Variants in LPP observed in about 807,000 individuals in gnomAD.
LPP encodes LIM domain containing preferred translocation partner in lipoma, also known as lipoma-preferred partner.
In LPP, 38 loss-of-function variants were observed where a neutral mutation model predicts 60.4. The observed-to-expected ratio is 0.63, with a 90% CI of 0.49 to 0.83. The LOEUF is 0.83. LPP is among the 40% of genes least tolerant of loss of function. The probability of loss-of-function intolerance (pLI) is 0.00; values close to 1 mark genes in which losing one functional copy is unlikely to be tolerated. For missense variants in LPP, 902 were observed against 783.6 expected (o/e 1.15, Z -1.80); for synonymous variants, 328 against 290.8 (o/e 1.13, Z -1.30).
intron 2 of LPP, among the ~76,000 whole-genome samples, chr3:188,322,014 T>C (rs1404681157): frequency 3.3e-5 from 5 of 152,210 alleles, no homozygotes; most frequent in Admixed American, 6.5e-5. Flanking sequence ...AAGGAATCTT[T>C]TCAAGATGCT....
intron 6 of LPP, among the ~76,000 whole-genome samples, chr3:188,565,808 G>A (rs967075328): frequency 2.6e-5 from 4 of 152,038 alleles, no homozygotes; most frequent in African/African-American, 9.6e-5. Context: ...AAGCTTCAAG[G>A]TTATTTTTAT....
At chr3:188,322,566 AG>A (rs768579729) in intron 2 of LPP, among the ~76,000 whole-genome samples, 2 of 152,206 alleles carry the variant, frequency 1.3e-5, no homozygotes, top group Non-Finnish European at 2.9e-5. Context: ...CTCTTTAAAA[AG>A]GCCTTTTGGT....
In LPP at chr3:188,395,596, C is replaced by T. The variant is rs375582139; in HGVS notation, c.-9-10516C>T. ...AGAGAATCGGAGATTAAACTGGAAA[C>T]TTTAATTTACAATAACAATAAAATA... On this transcript the variant is annotated intron_variant, in intron 3 of 11. Transcript: ENST00000617246. Among the ~76,000 whole-genome samples the T allele has an allele frequency of 3.7e-4, 56 of 152,046 alleles. 1 individual carries two copies. The highest frequency in any genetic ancestry group is 3.6e-3 in the Admixed American group (55 of 15,248).
At chr3:188,791,955 A>G (rs776345858) in intron 9 of LPP, among the ~76,000 whole-genome samples, 1 of 152,128 alleles carries the variant, frequency 6.6e-6, no homozygotes, top group Non-Finnish European at 1.5e-5. Flanking sequence ...TGCTTAACAC[A>G]TAGTAGATGC....
intron 2 of LPP, among the ~76,000 whole-genome samples, chr3:188,262,745 C>T (rs903881424): frequency 6.0e-5 from 9 of 150,670 alleles, no homozygotes; most frequent in African/African-American, 1.5e-4. Context: ...CACACACACA[C>T]GGGGAAAAAA....
At chr3:188,244,449 T>G (rs558731472) in intron 2 of LPP, among the ~76,000 whole-genome samples, 2 of 152,184 alleles carry the variant, frequency 1.3e-5, no homozygotes, top group African/African-American at 4.8e-5. Context: ...CTTCTGCTAC[T>G]AACCCCATGA....
At chr3:188,563,393 C>A (rs1831208353) in intron 6 of LPP, among the ~76,000 whole-genome samples, 1 of 151,036 alleles carries the variant, frequency 6.6e-6, no homozygotes, top group Admixed American at 6.6e-5. Context: ...GAGTAATCAC[C>A]ATTGTCTTTT....
chr3:188,432,179 C>G (rs1277153865), intron 4 of LPP, among the ~76,000 whole-genome samples: 1 of 152,106 alleles, frequency 6.6e-6, no homozygotes, highest in Admixed American at 6.6e-5. Flanking sequence ...TTGCCCAAGG[C>G]ATCATGACTT....
chr3:188,581,752 C>T lies in LPP; in HGVS notation c.430-27409C>T, dbSNP rs530196743. On this transcript the variant is annotated intron_variant, in intron 6 of 11. Coordinates refer to ENST00000617246, the MANE Select transcript of LPP (RefSeq NM_001375462.1). ...ACCTCCTAAATCGTAAAAATTAAAACCAGCCTCGGAACACAACCCCTCATT... is the reference window on the plus strand; with the variant it reads ...ACCTCCTAAATCGTAAAAATTAAAATCAGCCTCGGAACACAACCCCTCATT... Among the ~76,000 whole-genome samples the T allele has an allele frequency of 1.2e-4, 18 of 152,276 alleles. No individual in the cohort carries two copies. The South Asian group carries it at 3.7e-3, about 32-fold the overall frequency.
intron 1 of LPP, among the ~76,000 whole-genome samples, chr3:188,213,961 A>AACACACACACCCACACACAC (rs1712370228): frequency 7.7e-6 from 1 of 130,324 alleles, no homozygotes; most frequent in African/African-American, 2.8e-5. Flanking sequence ...TTAGATTTTA[A>AACACACACACCCACACACAC]ACACACACAC....
intron 1 of LPP, among the ~76,000 whole-genome samples, chr3:188,216,772 A>G (rs1232990018): frequency 6.6e-6 from 1 of 152,162 alleles, no homozygotes; most frequent in Admixed American, 6.5e-5. Flanking sequence ...ACTTTTGAGA[A>G]AATTAAGGCC....
At position 188,352,702 on chromosome 3, in the gene LPP, GC is replaced by G. The variant is rs1766264271; in HGVS notation, c.-10+10984del. On this transcript the variant is annotated intron_variant, in intron 3 of 11. Transcript: ENST00000617246. This position sits in a 1 kb window ranked among gnomAD's most constrained non-coding sequence, Gnocchi z 4.4. Reference sequence around the variant, plus strand: ...TGTTTCCCTGCTTGTTGATGTTCCAGCTGCATGCACGGCACTGAGCCCTGCC... The same window carrying G: ...TGTTTCCCTGCTTGTTGATGTTCCAGTGCATGCACGGCACTGAGCCCTGCC... Among the ~76,000 whole-genome samples, 1 of 16,526 alleles carries G rather than the reference GC, an allele frequency of 6.1e-5. No individual in the cohort carries two copies. The highest frequency in any genetic ancestry group is 2.2e-3 in the South Asian group (1 of 446). The allele number at this position is 16,526 out of a possible 152,430, so 10.8% of individuals were successfully genotyped here. A position where few individuals can be genotyped will look rare whatever the true frequency, so the allele number is the denominator to read the frequency against.
chr3:188,389,978 C>T lies in LPP; in HGVS notation c.-9-16134C>T, dbSNP rs77724056. Among the ~76,000 whole-genome samples, 577 of 152,192 alleles carry T rather than the reference C, an allele frequency of 3.8e-3. 4 individuals carry two copies. Among genetic ancestry groups the T allele is most frequent in the African/African-American group, 0.013 (552 of 41,524 alleles). Reference sequence around the variant, plus strand: ...ACCTGGAGTTTGGCCTCACTCTGTCCAATTGTGTTCCTTCCAAGAGATAAA... The same window carrying T: ...ACCTGGAGTTTGGCCTCACTCTGTCTAATTGTGTTCCTTCCAAGAGATAAA... On this transcript the variant is annotated intron_variant, in intron 3 of 11. Coordinates refer to ENST00000617246, the MANE Select transcript of LPP (RefSeq NM_001375462.1).
intron 6 of LPP, among the ~76,000 whole-genome samples, chr3:188,591,302 T>G (rs1174992876): frequency 6.6e-6 from 1 of 152,210 alleles, no homozygotes; most frequent in Non-Finnish European, 1.5e-5. Context: ...TAGCAGAATG[T>G]AGGCCTTCAG....
intron 6 of LPP, among the ~76,000 whole-genome samples, chr3:188,554,883 C>T (rs760313751): frequency 1.3e-5 from 2 of 152,078 alleles, no homozygotes; most frequent in Non-Finnish European, 2.9e-5. Flanking sequence ...ATGCATAAAA[C>T]AATGTGTATT....
intron 1 of LPP, among the ~76,000 whole-genome samples, chr3:188,160,280 C>T (rs888374178): frequency 7.2e-5 from 11 of 151,928 alleles, no homozygotes; most frequent in African/African-American, 1.9e-4. Context: ...CTGCAACCTC[C>T]GCCTCCCAGG....
intron 4 of LPP, among the ~76,000 whole-genome samples, chr3:188,423,119 G>A (rs1788308688): frequency 6.6e-6 from 1 of 151,862 alleles, no homozygotes; most frequent in African/African-American, 2.4e-5. Context: ...CCCCTGACAG[G>A]ACATAGTGTG....
At chr3:188,240,488 T>G (rs557968514) in intron 2 of LPP, among the ~76,000 whole-genome samples, 1 of 152,120 alleles carries the variant, frequency 6.6e-6, no homozygotes. Flanking sequence ...TGGAAGGAAG[T>G]CTTATACGTA....
At chr3:188,676,314 G>A (rs1858079985) in intron 7 of LPP, among the ~76,000 whole-genome samples, 1 of 152,080 alleles carries the variant, frequency 6.6e-6, no homozygotes, top group African/African-American at 2.4e-5. Context: ...GCAGCCAGCG[G>A]GTACAAGCTG....
Sources: gnomAD v4.1 joint callset for allele counts (sites outside exome capture counted in the v4.1 genomes callset) on GRCh38, gnomAD v4.1.1 for gene constraint, Gnocchi (gnomAD v3.1) non-coding constraint, MANE v1.5 for transcripts, NCBI Gene and HGNC (gene_info 2026-07-23, HGNC 2026-07-21) for gene names.